The following HPSE2 variants were observed in gnomAD, a reference collection of about 807,000 sequenced individuals.
HPSE2 encodes the protein heparanase 2 (inactive).
A neutral mutation model predicts 60.5 loss-of-function variants in HPSE2; 38 were observed. The ratio of observed to expected loss-of-function variants is 0.63; its 90% CI spans 0.48 to 0.82. The LOEUF (loss-of-function observed/expected upper bound fraction) is 0.82. HPSE2 is among the 40% of genes least tolerant of loss of function. The probability of loss-of-function intolerance (pLI) is 0.00; values close to 1 mark genes in which losing one functional copy is unlikely to be tolerated. For missense variants in HPSE2, 713 were observed against 740.4 expected (o/e 0.96, Z 0.43); for synonymous variants, 295 against 293.2 (o/e 1.01, Z -0.06).
intron 9 of HPSE2, among the ~76,000 whole-genome samples, chr10:98,525,560 G>A (rs112832039): frequency 7.2e-5 from 11 of 152,314 alleles, no homozygotes; most frequent in African/African-American, 2.6e-4. Context: ...GAAAACCATG[G>A]CAGCTGCTGG....
At chr10:98,835,466 T>C (rs1006050859) in intron 3 of HPSE2, among the ~76,000 whole-genome samples, 13 of 152,124 alleles carry the variant, frequency 8.5e-5, no homozygotes, top group Non-Finnish European at 1.6e-4. Flanking sequence ...ATTGCTGTCA[T>C]GGTTACTTTG....
intron 3 of HPSE2, among the ~76,000 whole-genome samples, chr10:99,099,388 C>T (rs867768900): frequency 1.3e-4 from 20 of 152,344 alleles, no homozygotes; most frequent in African/African-American, 3.6e-4. Flanking sequence ...TGGAGTCTCG[C>T]TCATTGCTAG....
rs187935029 is a variant in HPSE2, at chr10:98,810,940, G to A, written c.611-66884C>T. 8.6e-4 allele frequency among the ~76,000 whole-genome samples: 131 copies of A among 152,132 alleles called. 2 individuals are homozygous for A. The East Asian group carries it at 0.023, about 27-fold the overall frequency. The stretch of plus-strand genomic sequence containing the variant: ...TAGCTGTGAGCAGGAAGGCAGGGAT[G>A]GGTGGATTCATACTCTTTTTTACCA... On this transcript the variant is annotated intron_variant, in intron 3 of 11. Coordinates refer to ENST00000370552, the MANE Select transcript of HPSE2 (RefSeq NM_021828.5).
chr10:98,743,759 G>T, intron 4 of HPSE2, 124 bp downstream of exon 4: 2 of 865,224 alleles, frequency 2.3e-6, no homozygotes, highest in Non-Finnish European at 3.9e-6. Context: ...CAACTCAGTG[G>T]CCAAACATCA....
At chr10:98,853,688 T>C (rs1023706576) in intron 3 of HPSE2, among the ~76,000 whole-genome samples, 1 of 152,112 alleles carries the variant, frequency 6.6e-6, no homozygotes, top group Admixed American at 6.6e-5. Flanking sequence ...AACATACATA[T>C]ATGAATCCTA....
intron 3 of HPSE2, among the ~76,000 whole-genome samples, chr10:98,868,110 TAAATA>T (rs1952639874): frequency 6.7e-6 from 1 of 150,226 alleles, no homozygotes; most frequent in South Asian, 2.1e-4. Context: ...AATAAATAAA[TAAATA>T]AATAAATAAA....
At chr10:98,544,378 G>A (rs1013129122) in intron 9 of HPSE2, among the ~76,000 whole-genome samples, 1 of 152,158 alleles carries the variant, frequency 6.6e-6, no homozygotes, top group Non-Finnish European at 1.5e-5. Context: ...AGAGAAAGCA[G>A]GAAAGATCCA....
chr10:98,928,979 A>T (rs1008977683), intron 3 of HPSE2, among the ~76,000 whole-genome samples: 2 of 103,672 alleles, frequency 1.9e-5, no homozygotes, highest in Non-Finnish European at 3.6e-5. Context: ...CCTAAAACTT[A>T]AAGTATAATA....
intron 9 of HPSE2, among the ~76,000 whole-genome samples, chr10:98,588,781 G>A (rs568201085): frequency 2.0e-5 from 3 of 152,110 alleles, no homozygotes; most frequent in South Asian, 2.1e-4. Context: ...AGGCCAGTAA[G>A]TAACCAGATG....
In HPSE2 at chr10:98,740,073, T is replaced by C. The variant is rs531222325; in HGVS notation, c.784+3810A>G. Among the ~76,000 whole-genome samples, 20 of 152,334 alleles carry C rather than the reference T, an allele frequency of 1.3e-4. No homozygotes were observed. In the East Asian group the frequency reaches 3.9e-3, roughly 29 times the overall value. On this transcript the variant is annotated intron_variant, in intron 4 of 11. Transcript: ENST00000370552. ...AATCAGTTACAGAGTTTACAATTTA[T>C]GGACATTTAGGGAAATATGTTATAT...
intron 2 of HPSE2, among the ~76,000 whole-genome samples, chr10:99,185,833 C>T (rs367872826): frequency 8.6e-5 from 13 of 151,018 alleles, no homozygotes; most frequent in Admixed American, 3.3e-4. Flanking sequence ...GGAATGATGG[C>T]GGATGTTTTG....
intron 3 of HPSE2, among the ~76,000 whole-genome samples, chr10:99,094,182 A>G (rs1843617092): frequency 6.6e-6 from 1 of 151,628 alleles, no homozygotes; most frequent in African/African-American, 2.4e-5. Context: ...GGGGGCTTTT[A>G]TTTTTGTTTT....
At chr10:98,534,106 A>T (rs1233447376) in intron 9 of HPSE2, among the ~76,000 whole-genome samples, 1 of 152,214 alleles carries the variant, frequency 6.6e-6, no homozygotes, top group Non-Finnish European at 1.5e-5. Flanking sequence ...GGACATCACA[A>T]TGAGAACTGG....
Position 99,122,241 on chromosome 10 carries a change from T to C in HPSE2, c.610+21997A>G, listed in dbSNP as rs879716817. Among the ~76,000 whole-genome samples, 17 of 152,140 alleles carry C rather than the reference T, an allele frequency of 1.1e-4. No individual in the cohort carries two copies. In the East Asian group the frequency reaches 3.1e-3, roughly 28 times the overall value. On this transcript the variant is annotated intron_variant, in intron 3 of 11. Coordinates refer to ENST00000370552, the MANE Select transcript of HPSE2 (RefSeq NM_021828.5). ...TTTACCTCAAATGTACTGGCTTCAGTGGGAAAATATTCAGATAGTTATGTA... is the reference window on the plus strand; with the variant it reads ...TTTACCTCAAATGTACTGGCTTCAGCGGGAAAATATTCAGATAGTTATGTA...
At chr10:99,166,322 T>G (rs1389534744) in intron 2 of HPSE2, among the ~76,000 whole-genome samples, 1 of 152,222 alleles carries the variant, frequency 6.6e-6, no homozygotes. Flanking sequence ...AGTAAATTCA[T>G]AAAAGCAAAA....
chr10:98,751,502 T>A (rs1361826667), intron 3 of HPSE2, among the ~76,000 whole-genome samples: 1 of 152,200 alleles, frequency 6.6e-6, no homozygotes, highest in East Asian at 1.9e-4. Flanking sequence ...AACCTTCACA[T>A]GAAGAAAGAG....
At chr10:98,923,630 C>G (rs532082322) in intron 3 of HPSE2, among the ~76,000 whole-genome samples, 55 of 151,912 alleles carry the variant, frequency 3.6e-4, no homozygotes, top group African/African-American at 1.2e-3. Flanking sequence ...TTTCAAATAG[C>G]CTGTCTCTAG....
chr10:98,924,819 C>T (rs1013158124), intron 3 of HPSE2, among the ~76,000 whole-genome samples: 11 of 152,166 alleles, frequency 7.2e-5, no homozygotes, highest in African/African-American at 2.7e-4. Context: ...CCTAGACTGT[C>T]TTTCAAGTTT....
At chr10:98,954,509 T>C (rs1186347849) in intron 3 of HPSE2, among the ~76,000 whole-genome samples, 1 of 152,206 alleles carries the variant, frequency 6.6e-6, no homozygotes, top group Admixed American at 6.5e-5. Context: ...AGTTAATGAA[T>C]GTTCCTTAGT....
Sources: allele counts gnomAD v4.1 joint callset (sites outside exome capture counted in the v4.1 genomes callset), GRCh38; gene constraint gnomAD v4.1.1; transcripts MANE v1.5; gene names NCBI Gene and HGNC (gene_info 2026-07-23, HGNC 2026-07-21).